Variants in B3GALT1 observed in about 807,000 individuals in gnomAD.
B3GALT1 encodes beta-1,3-galactosyltransferase 1, also known as UDP-Gal:betaGlcNAc beta 1,3-galactosyltransferase, polypeptide 1.
In B3GALT1, 10 loss-of-function variants were observed where a neutral mutation model predicts 23.2. The ratio of observed to expected loss-of-function variants is 0.43; its 90% CI spans 0.27 to 0.73. B3GALT1 has a LOEUF of 0.73. B3GALT1 is among the 30% of genes least tolerant of loss of function. The pLI is 0.21. For synonymous variants in B3GALT1, 156 were observed against 141.5 expected (o/e 1.10, Z -0.73); for missense variants, 299 against 405.4 (o/e 0.74, Z 2.25).
At chr2:167,752,146 T>G (rs1687748012) in intron 3 of B3GALT1, among the ~76,000 whole-genome samples, 1 of 152,090 alleles carries the variant, frequency 6.6e-6, no homozygotes, top group African/African-American at 2.4e-5. Flanking sequence ...GAATTTAACT[T>G]GGAAATTGCA....
At chr2:167,624,237 C>T (rs1356663487) in intron 2 of B3GALT1, among the ~76,000 whole-genome samples, 1 of 152,036 alleles carries the variant, frequency 6.6e-6, no homozygotes, top group African/African-American at 2.4e-5. Flanking sequence ...ACTTCTTTCT[C>T]TCAGGTTTTC....
chr2:167,374,030 G>C (rs187715926), intron 1 of B3GALT1, among the ~76,000 whole-genome samples: 4 of 152,234 alleles, frequency 2.6e-5, no homozygotes, highest in African/African-American at 9.6e-5. Flanking sequence ...TCCCCCTCTA[G>C]TAGTCCCCAG....
intron 4 of B3GALT1, among the ~76,000 whole-genome samples, chr2:167,852,073 A>C (rs562402519): frequency 6.6e-6 from 1 of 152,322 alleles, no homozygotes; most frequent in East Asian, 1.9e-4. Flanking sequence ...TTGGCAGTGA[A>C]GTTATGTTGT....
At chr2:167,334,843 T>C (rs1485603349) in intron 1 of B3GALT1, among the ~76,000 whole-genome samples, 3 of 152,186 alleles carry the variant, frequency 2.0e-5, no homozygotes, top group African/African-American at 7.2e-5. Context: ...GTTATAGACA[T>C]GAGGTTGCTT....
intron 1 of B3GALT1, among the ~76,000 whole-genome samples, chr2:167,438,225 A>G (rs1422075289): frequency 6.6e-6 from 1 of 152,222 alleles, no homozygotes; most frequent in Non-Finnish European, 1.5e-5. Context: ...GAGGGGCAAG[A>G]TGGATACTTG....
chr2:167,575,652 T>C (rs1332381224), intron 2 of B3GALT1, among the ~76,000 whole-genome samples: 1 of 151,850 alleles, frequency 6.6e-6, no homozygotes, highest in Non-Finnish European at 1.5e-5. Flanking sequence ...TATTGTGAAA[T>C]GGCTTTCTGA....
chr2:167,389,961 G>A (rs1290262352), intron 1 of B3GALT1, among the ~76,000 whole-genome samples: 3 of 150,832 alleles, frequency 2.0e-5, no homozygotes, highest in African/African-American at 7.3e-5. Context: ...ACCATCGCAT[G>A]AGAAGAGGTT....
intron 1 of B3GALT1, among the ~76,000 whole-genome samples, chr2:167,330,257 C>T (rs938473606): frequency 1.3e-5 from 2 of 151,166 alleles, no homozygotes; most frequent in Admixed American, 6.6e-5. Context: ...TTTAACAGAC[C>T]TCTGTTCATG....
At chr2:167,450,245 T>G (rs1699067339) in intron 1 of B3GALT1, among the ~76,000 whole-genome samples, 1 of 152,146 alleles carries the variant, frequency 6.6e-6, no homozygotes, top group Admixed American at 6.5e-5. Flanking sequence ...GTTGGCAATT[T>G]TTTTTATTAC....
chr2:167,584,179 A>G (rs1684542552), intron 2 of B3GALT1, among the ~76,000 whole-genome samples: 2 of 152,168 alleles, frequency 1.3e-5, no homozygotes, highest in African/African-American at 4.8e-5. Context: ...GGCTGAGTAG[A>G]ATATAGCAGT....
chr2:167,676,516 T>TAC (rs34764364), intron 3 of B3GALT1, among the ~76,000 whole-genome samples: 29,854 of 144,940 alleles, frequency 0.21, 3,167 homozygotes, highest in Admixed American at 0.27. Context: ...TGTATGTTTA[T>TAC]ACACACACAC....
At chr2:167,622,518 C>A (rs909703360) in intron 2 of B3GALT1, among the ~76,000 whole-genome samples, 5 of 152,054 alleles carry the variant, frequency 3.3e-5, no homozygotes, top group Non-Finnish European at 7.4e-5. Flanking sequence ...GAAATTGTAT[C>A]TGCAGCTTAT....
intron 1 of B3GALT1, among the ~76,000 whole-genome samples, chr2:167,338,315 G>A (rs1054724822): frequency 6.6e-6 from 1 of 152,112 alleles, no homozygotes; most frequent in Non-Finnish European, 1.5e-5. Flanking sequence ...AGTTTGTGGT[G>A]CAAATGTATT....
chr2:167,858,131 T>C (rs1055076908), intron 4 of B3GALT1, among the ~76,000 whole-genome samples: 13 of 152,132 alleles, frequency 8.5e-5, no homozygotes, highest in Non-Finnish European at 1.8e-4. Context: ...ATCCTAAAGT[T>C]ATATTTGAGA....
In B3GALT1 at chr2:167,870,016, G is replaced by A; in HGVS notation, c.977G>A (p.Cys326Tyr). ...ATGTCAAGCAAGAAACATCTCAGAT[G>A]TTAGGATTTTTACCAATGTAAATAT... ...NDMSSKKHLR[C>Y] The change falls in exon 5 of 5, where the codon TGT becomes TAT. Residue 326 changes from cysteine to tyrosine, a missense_variant. This residue lies in a region of B3GALT1 where 133 missense variants were observed against 204.8 expected (regional missense o/e 0.65). Transcript: ENST00000392690. 1.3e-6 allele frequency: 2 copies of A among 1,591,272 alleles called. No homozygotes were observed. Among genetic ancestry groups the A allele is most frequent in the Non-Finnish European group, 8.6e-7 (1 of 1,165,426 alleles).
chr2:167,512,605 T>C lies in B3GALT1; in HGVS notation c.-410+22328T>C, dbSNP rs59855641. On this transcript the variant is annotated intron_variant, in intron 2 of 4. Coordinates refer to ENST00000392690, the MANE Select transcript of B3GALT1 (RefSeq NM_020981.4). ...GTATATATATATGTGTATATATATATATGTATATATATATACGTGTATATA... is the reference window on the plus strand; with the variant it reads ...GTATATATATATGTGTATATATATACATGTATATATATATACGTGTATATA... Among the ~76,000 whole-genome samples the C allele has an allele frequency of 7.8e-5, 8 of 102,686 alleles. 1 individual carries two copies. The highest frequency in any genetic ancestry group is 1.0e-3 in the East Asian group (2 of 1,924). 67.4% of individuals were successfully genotyped at this position (102,686 alleles called of 152,430 possible).
At chr2:167,664,317 C>G (rs1418227263) in intron 3 of B3GALT1, among the ~76,000 whole-genome samples, 1 of 151,468 alleles carries the variant, frequency 6.6e-6, no homozygotes, top group Admixed American at 6.6e-5. Context: ...TTCCATTGAT[C>G]TCTATCTCTG....
intron 1 of B3GALT1, among the ~76,000 whole-genome samples, chr2:167,440,757 A>T (rs1042386815): frequency 6.6e-6 from 1 of 151,780 alleles, no homozygotes; most frequent in African/African-American, 2.4e-5. Flanking sequence ...TTGATCTCTA[A>T]AATTGACCTT....
intron 2 of B3GALT1, among the ~76,000 whole-genome samples, chr2:167,563,947 C>CCG (rs1553467948): frequency 2.5e-5 from 3 of 121,564 alleles, no homozygotes; most frequent in African/African-American, 6.7e-5. Context: ...GCTGGCCAGG[C>CCG]GGGGCCGACC....
Sources: allele counts gnomAD v4.1 joint callset (sites outside exome capture counted in the v4.1 genomes callset), GRCh38; gene constraint gnomAD v4.1.1; regional missense constraint gnomAD v4.1.1; transcripts MANE v1.5; gene names NCBI Gene and HGNC (gene_info 2026-07-23, HGNC 2026-07-21).